Variants in ACE observed in about 807,000 individuals in gnomAD.
ACE encodes angiotensin I converting enzyme.
Under a neutral mutation model 162.3 loss-of-function variants are expected in ACE, and 122 were observed. The ratio of observed to expected loss-of-function variants is 0.75; its 90% CI spans 0.65 to 0.87. The LOEUF (loss-of-function observed/expected upper bound fraction) is 0.87. ACE is among the 40% of genes least tolerant of loss of function. The pLI, the probability that ACE is intolerant of heterozygous loss-of-function variation, is 0.00. For missense variants in ACE, 1,799 were observed against 1,735.1 expected, an observed-to-expected ratio of 1.04 and a Z score of -0.65; for synonymous variants, 796 against 720.6, an observed-to-expected ratio of 1.10 and a Z score of -1.68.
chr17:63,493,969 T>C lies in ACE; in HGVS notation c.3184T>C (p.Phe1062Leu), dbSNP rs778802598. 3 of 1,614,140 alleles carry C rather than the reference T, an allele frequency of 1.9e-6. No homozygotes were observed. Among genetic ancestry groups the C allele is most frequent in the Non-Finnish European group, 2.5e-6 (3 of 1,180,030 alleles). ...LMKMALDKIA[F>L]IPFSYLVDQW... ...GAAGATGGCCCTTGACAAGATCGCC[T>C]TTATCCCCTTCAGCTACCTCGTCGA... The change falls in exon 21 of 25, where the codon TTT becomes CTT. Residue 1062 changes from phenylalanine (F) to leucine (L), a missense_variant. Coordinates refer to ENST00000290866, the MANE Select transcript of ACE (RefSeq NM_000789.4).
In ACE at chr17:63,484,732, A is replaced by G. The variant is rs2029864150; in HGVS notation, c.1921+191A>G. ...AGGCATGTCTTTCCCCCAGCATCCT[A>G]GAGAGGGTGTGCTCAGACCTGAGGG... On this transcript the variant is annotated intron_variant, in intron 12 of 24. Transcript: ENST00000290866. This position sits in a 1 kb window ranked among gnomAD's most constrained non-coding sequence, Gnocchi z 4.0. 6.9e-7 allele frequency: 1 copy of G among 1,457,272 alleles called. No individual in the cohort carries two copies. The highest frequency in any genetic ancestry group is 9.0e-7 in the Non-Finnish European group (1 of 1,108,758). The allele number at this position is 1,457,272 out of a possible 1,614,324, so 90.3% of individuals were successfully genotyped here. A position where few individuals can be genotyped will look rare whatever the true frequency, so the allele number is the denominator to read the frequency against.
chr17:63,488,496 C>T, intron 15 of ACE, 152 bp from the exon 16 acceptor site: 1 of 694,522 alleles, frequency 1.4e-6, no homozygotes, highest in Non-Finnish European at 2.4e-6. Context: ...GAGCCACTCC[C>T]ATCCTTTCTC....
chr17:63,491,085 C>G lies in ACE; in HGVS notation c.2739+34C>G. On this transcript the variant is annotated intron_variant, in intron 18 of 24. Transcript: ENST00000290866. This position sits in a 1 kb window ranked among gnomAD's most constrained non-coding sequence, Gnocchi z 4.4. Reference sequence around the variant, plus strand: ...CAGCCCAGGGGCAGGGAGGCCCCGCCGGGATGGGAGGGACCCTCTGATTCA... The same window carrying G: ...CAGCCCAGGGGCAGGGAGGCCCCGCGGGGATGGGAGGGACCCTCTGATTCA... The G allele has an allele frequency of 1.9e-6, 3 of 1,612,360 alleles. No individual in the cohort carries two copies. The highest frequency in any genetic ancestry group is 2.5e-6 in the Non-Finnish European group (3 of 1,178,566).
At chr17:63,494,166 G>T (rs2030579074) in intron 21 of ACE, 100 bp downstream of exon 21, 1 of 1,470,208 alleles carries the variant, frequency 6.8e-7, no homozygotes, top group Non-Finnish European at 9.4e-7. Context: ...GTGTGTGTGT[G>T]TGTGTACACT....
Position 63,489,060 on chromosome 17 carries a change from C to T in ACE, c.2569C>T (p.Arg857Cys), listed in dbSNP as rs989791368. The part of the protein sequence containing the change: ...PLYLNLHAYV[R>C]RALHRHYGAQ... Reference sequence around the variant, plus strand: ...CTACCTCAACCTGCATGCCTACGTGCGCCGGGCCCTGCACCGTCACTACGG... The same window carrying T: ...CTACCTCAACCTGCATGCCTACGTGTGCCGGGCCCTGCACCGTCACTACGG... The change falls in exon 17 of 25, where the codon CGC becomes TGC. Residue 857 changes from arginine (R) to cysteine (C), a missense_variant. Physicochemically the swap from Arg to Cys is radical, Grantham distance 180. Transcript: ENST00000290866. The T allele has an allele frequency of 8.1e-6, 13 of 1,613,926 alleles. No homozygotes were observed. The highest frequency in any genetic ancestry group is 1.1e-5 in the South Asian group (1 of 91,090).
chr17:63,484,055 A>T lies in ACE; in HGVS notation c.1709+84A>T. 1 of 1,531,980 alleles carries T rather than the reference A, an allele frequency of 6.5e-7. No homozygotes were observed. The highest frequency in any genetic ancestry group is 8.8e-7 in the Non-Finnish European group (1 of 1,141,750). The allele number at this position is 1,531,980 out of a possible 1,614,324, so 94.9% of individuals were successfully genotyped here. A position where few individuals can be genotyped will look rare whatever the true frequency, so the allele number is the denominator to read the frequency against. ...TGGCAGGAGGTGTCTGGCTGCTCTG[A>T]TGGGGTGGGGGGCACCAACCACAGA... On this transcript the variant is annotated intron_variant, in intron 11 of 24. Transcript: ENST00000290866. The surrounding 1 kb of genome is among the most constrained non-coding windows in gnomAD (Gnocchi z 4.0).
intron 19 of ACE, among the ~76,000 whole-genome samples, chr17:63,493,012 G>A (rs1049852130): frequency 3.3e-5 from 5 of 152,116 alleles, no homozygotes; most frequent in African/African-American, 7.2e-5. Context: ...ATGCAGAATC[G>A]CCCACTCTCA....
Position 63,491,515 on chromosome 17 carries a change from G to C in ACE, c.2912+134G>C. The C allele has an allele frequency of 8.5e-7, 1 of 1,181,314 alleles. No individual in the cohort carries two copies. The highest frequency in any genetic ancestry group is 1.2e-6 in the Non-Finnish European group (1 of 813,404). The allele number at this position is 1,181,314 out of a possible 1,614,324, so 73.2% of individuals were successfully genotyped here. On this transcript the variant is annotated intron_variant, in intron 19 of 24. Coordinates refer to ENST00000290866, the MANE Select transcript of ACE (RefSeq NM_000789.4). This position sits in a 1 kb window ranked among gnomAD's most constrained non-coding sequence, Gnocchi z 4.4. The stretch of plus-strand genomic sequence containing the variant: ...GGGGACAGGGCCAGAGTTTGGGACT[G>C]AGTGTCTAGAGAGGTGTTGGCTTCT...
Position 63,490,938 on chromosome 17 carries a change from C to G in ACE, c.2642-16C>G. ...TTGTCTTTCCTCTCTCTGCCGTCCC[C>G]CACACTCGCCTCCAGGGAACATGTG... On this transcript the variant is annotated splice_polypyrimidine_tract_variant and intron_variant, in intron 17 of 24. Coordinates refer to ENST00000290866, the MANE Select transcript of ACE (RefSeq NM_000789.4). 1 of 1,613,606 alleles carries G rather than the reference C, an allele frequency of 6.2e-7. No homozygotes were observed. Among genetic ancestry groups the G allele is most frequent in the East Asian group, 2.2e-5 (1 of 44,870 alleles).
At chr17:63,478,271 A>C in intron 2 of ACE, 173 bp downstream of exon 2, 1 of 839,194 alleles carries the variant, frequency 1.2e-6, no homozygotes, top group Non-Finnish European at 1.8e-6. Context: ...TTTTTCTTGG[A>C]GATGGGGTGG....
rs988156346 is a variant in ACE, at chr17:63,484,412, C to T, written c.1792C>T (p.Pro598Ser). ...CGGCTTAGATGCCCTGGATGCCCAG[C>T]CGCTGCTCAAGTACTTCCAGCCAGT... ...MVGLDALDAQ[P>S]LLKYFQPVTQ... Residue 598 changes from proline to serine, a missense_variant, in exon 12 of 25, where the codon CCG becomes TCG. Pro to Ser is a moderately conservative substitution (Grantham distance 74, BLOSUM62 -1). Coordinates refer to ENST00000290866, the MANE Select transcript of ACE (RefSeq NM_000789.4). The surrounding 1 kb of genome is among the most constrained non-coding windows in gnomAD (Gnocchi z 4.0). 9 of 1,612,026 alleles carry T rather than the reference C, an allele frequency of 5.6e-6. No individual in the cohort carries two copies. Among genetic ancestry groups the T allele is most frequent in the African/African-American group, 1.3e-5 (1 of 74,912 alleles).
chr17:63,488,365 A>G lies in ACE; in HGVS notation c.2306-283A>G, dbSNP rs1338579026. On this transcript the variant is annotated intron_variant, in intron 15 of 24. Transcript: ENST00000290866. The stretch of plus-strand genomic sequence containing the variant: ...CAGAGTGAGACCCTGTCTCAGAAAA[A>G]AAAAAAAAAAAAAAAAGGAGAGGAG... Among the ~76,000 whole-genome samples, 3,527 of 142,020 alleles carry G rather than the reference A, an allele frequency of 0.025. 133 individuals are homozygous for G. Among genetic ancestry groups the G allele is most frequent in the African/African-American group, 0.09 (3,281 of 36,424 alleles). The allele number at this position is 142,020 out of a possible 152,430, so 93.2% of individuals were successfully genotyped here. A position where few individuals can be genotyped will look rare whatever the true frequency, so the allele number is the denominator to read the frequency against.
rs186707076 is a variant in ACE at position 63,494,192 on chromosome 17, A to G, written c.3281+126A>G. Reference sequence around the variant, plus strand: ...TGTGTACACTATTGTGTCTGTGCATATGATGTGTGTGGTGTAAGTGATGGG... The same window carrying G: ...TGTGTACACTATTGTGTCTGTGCATGTGATGTGTGTGGTGTAAGTGATGGG... On this transcript the variant is annotated intron_variant, in intron 21 of 24. Transcript: ENST00000290866. The G allele has an allele frequency of 1.4e-5, 19 of 1,383,050 alleles. No homozygotes were observed. The East Asian group carries it at 2.9e-4, about 21-fold the overall frequency. 85.7% of individuals were successfully genotyped at this position (1,383,050 alleles called of 1,614,324 possible).
chr17:63,482,828 T>C, intron 8 of ACE, 139 bp downstream of exon 8: 2 of 1,116,968 alleles, frequency 1.8e-6, no homozygotes, highest in Non-Finnish European at 2.6e-6. Context: ...GGGATCCTCC[T>C]AGAGCCTCAC....
rs1031236071 is a variant in ACE at position 63,494,203 on chromosome 17, G to C, written c.3281+137G>C. On this transcript the variant is annotated intron_variant, in intron 21 of 24. Transcript: ENST00000290866. ...TTGTGTCTGTGCATATGATGTGTGTGGTGTAAGTGATGGGGAAAACGGGGT... is the reference window on the plus strand; with the variant it reads ...TTGTGTCTGTGCATATGATGTGTGTCGTGTAAGTGATGGGGAAAACGGGGT... 13 of 1,349,784 alleles carry C rather than the reference G, an allele frequency of 9.6e-6. No individual in the cohort carries two copies. In the African/African-American group the frequency reaches 1.7e-4, roughly 18 times the overall value. 83.6% of individuals were successfully genotyped at this position (1,349,784 alleles called of 1,614,324 possible). A position where few individuals can be genotyped will look rare whatever the true frequency, so the allele number is the denominator to read the frequency against.
rs746283931 is a variant in ACE, at chr17:63,493,424, C to T, written c.2913-12C>T. The T allele has an allele frequency of 9.9e-6, 16 of 1,613,404 alleles. No homozygotes were observed. The South Asian group carries it at 1.3e-4, about 13-fold the overall frequency. On this transcript the variant is annotated splice_polypyrimidine_tract_variant and intron_variant, in intron 19 of 24. Coordinates refer to ENST00000290866, the MANE Select transcript of ACE (RefSeq NM_000789.4). ...TCTCCCAACACCCTCTCCCCCACTC[C>T]ACTATTCCTAGGATCAAGCAGTGCA...
At chr17:63,477,457 C>T (rs1410384319) in intron 1 of ACE, 114 bp downstream of exon 1, 3 of 848,920 alleles carry the variant, frequency 3.5e-6, no homozygotes, top group Non-Finnish European at 4.4e-6. Flanking sequence ...CCACCCCGAC[C>T]CCGGACCCTC....
chr17:63,487,184 G>A (rs1261524030), intron 15 of ACE, 111 bp downstream of exon 15: 5 of 915,432 alleles, frequency 5.5e-6, no homozygotes, highest in South Asian at 1.3e-5. Flanking sequence ...TGGGGTCAGC[G>A]TGCCCAGGAA....
intron 24 of ACE, 54 bp downstream of exon 24, chr17:63,497,039 G>A (rs1253948985): frequency 6.3e-7 from 1 of 1,590,540 alleles, no homozygotes; most frequent in South Asian, 1.1e-5. Context: ...TCCCCAGGCT[G>A]GGCAGCCATG....
Sources: allele counts gnomAD v4.1 joint callset (sites outside exome capture counted in the v4.1 genomes callset), GRCh38; gene constraint gnomAD v4.1.1; non-coding constraint Gnocchi (gnomAD v3.1); transcripts MANE v1.5; gene names NCBI Gene and HGNC (gene_info 2026-07-23, HGNC 2026-07-21).